GDE1: variants seen among roughly 807,000 people sequenced by gnomAD.
GDE1 encodes glycerophosphodiester phosphodiesterase 1, also known as RGS16-interacting membrane protein.
Under a neutral mutation model 32.2 loss-of-function variants are expected in GDE1, and 24 were observed. That is an observed-to-expected ratio of 0.75 (90% confidence interval 0.54 to 1.05). The LOEUF is 1.05. Among genes scored for constraint, GDE1 ranks in the 50% least tolerant of loss-of-function variants. The pLI, the probability that GDE1 is intolerant of heterozygous loss-of-function variation, is 0.00. For synonymous variants in GDE1, 159 were observed against 158.6 expected (o/e 1.00, Z -0.02); for missense variants, 380 against 415.0 (o/e 0.92, Z 0.73).
At position 19,507,718 on chromosome 16, in the gene GDE1, AC is replaced by A; in HGVS notation, c.604del (p.Val202SerfsTer12). ...GATAACTTCTGGCAAGAAAGAACAG[AC>A]CACACTATTATTATACAGTTGAGGA... ...EFPQLYNNSV[V>X]CSFLPEVIYK... is the part of the protein sequence containing the mutation. On this transcript the variant is annotated frameshift_variant, in exon 4 of 6. Transcript: ENST00000353258. LOFTEE classifies it high-confidence loss of function. 6.3e-7 allele frequency: 1 copy of A among 1,583,744 alleles called. No individual in the cohort carries two copies. Among genetic ancestry groups the A allele is most frequent in the Non-Finnish European group, 8.7e-7 (1 of 1,152,294 alleles).
intron 2 of GDE1, 36 bp downstream of exon 2, chr16:19,516,978 C>A: frequency 1.3e-6 from 2 of 1,578,290 alleles, no homozygotes; most frequent in Non-Finnish European, 1.7e-6. Flanking sequence ...CCAATAAAAG[C>A]TAAAAGATCT....
chr16:19,511,082 C>T, intron 2 of GDE1, 138 bp from the exon 3 acceptor site: 2 of 504,496 alleles, frequency 4.0e-6, no homozygotes, highest in East Asian at 3.3e-5. Context: ...ATAGCAAAGT[C>T]CAAAGATACT....
At chr16:19,503,853 T>C in intron 5 of GDE1, 1 of 409,660 alleles carries the variant, frequency 2.4e-6, no homozygotes, top group South Asian at 6.2e-5. Context: ...CACCCCCAAA[T>C]GTCCTTGGCA....
chr16:19,506,324 C>G (rs1230992811), intron 4 of GDE1, among the ~76,000 whole-genome samples: 2 of 150,728 alleles, frequency 1.3e-5, no homozygotes, highest in East Asian at 1.9e-4. Flanking sequence ...ACAAAAAAAA[C>G]AGAGAGAGAG....
intron 2 of GDE1, among the ~76,000 whole-genome samples, chr16:19,512,890 G>A (rs1038268295): frequency 7.0e-6 from 1 of 142,104 alleles, no homozygotes. Flanking sequence ...TTTATTTCTT[G>A]GTTCTCTATT....
intron 2 of GDE1, among the ~76,000 whole-genome samples, chr16:19,512,924 GTT>G: frequency 1.3e-5 from 1 of 75,076 alleles, no homozygotes; most frequent in Non-Finnish European, 2.7e-5. Flanking sequence ...CTATGTATCT[GTT>G]TTGTGTGTGT....
At chr16:19,505,290 T>C (rs1969232895) in intron 4 of GDE1, among the ~76,000 whole-genome samples, 198 bp from the exon 5 acceptor site, 1 of 152,184 alleles carries the variant, frequency 6.6e-6, no homozygotes, top group South Asian at 2.1e-4. Flanking sequence ...ATGCAGCACA[T>C]ATGAGAACTT....
chr16:19,505,681 A>C (rs1218124376), intron 4 of GDE1, among the ~76,000 whole-genome samples: 1 of 152,184 alleles, frequency 6.6e-6, no homozygotes, highest in African/African-American at 2.4e-5. Context: ...ATACGTTTTA[A>C]AGGACTCTGT....
At chr16:19,511,021 G>A in intron 2 of GDE1, 77 bp from the exon 3 acceptor site, 2 of 696,352 alleles carry the variant, frequency 2.9e-6, no homozygotes, top group Non-Finnish European at 2.5e-6. Flanking sequence ...TTTTGCATAT[G>A]TCTCTCAATC....
At chr16:19,517,956 C>T (rs539617398) in intron 1 of GDE1, among the ~76,000 whole-genome samples, 3 of 150,740 alleles carry the variant, frequency 2.0e-5, no homozygotes, top group Non-Finnish European at 4.4e-5. Flanking sequence ...GGCATGATCT[C>T]GGCTCACTAA....
chr16:19,517,569 C>T (rs1969396981), intron 1 of GDE1, among the ~76,000 whole-genome samples: 1 of 152,034 alleles, frequency 6.6e-6, no homozygotes, highest in Non-Finnish European at 1.5e-5. Context: ...GATGATCACC[C>T]TACGGTTGTT....
intron 3 of GDE1, 29 bp downstream of exon 3, chr16:19,510,810 C>G: frequency 9.9e-7 from 1 of 1,007,862 alleles, no homozygotes; most frequent in Non-Finnish European, 1.5e-6. Context: ...GTCTTTTTAA[C>G]AAAGTGAAGT....
intron 2 of GDE1, among the ~76,000 whole-genome samples, chr16:19,515,066 CAAAAA>C (rs67148636): frequency 1.8e-5 from 2 of 113,238 alleles, no homozygotes; most frequent in African/African-American, 3.6e-5. Context: ...AACTCCAACT[CAAAAA>C]AAAAAAAAAA....
chr16:19,519,449 CATAT>C (rs111659244), intron 1 of GDE1, among the ~76,000 whole-genome samples: 69,076 of 146,774 alleles, frequency 0.47, 18,148 homozygotes, highest in Non-Finnish European at 0.6. Flanking sequence ...TGTGTATGTG[CATAT>C]ATATATATAT....
rs1269683819 is a variant in GDE1 at position 19,522,006 on chromosome 16, C to T, written c.-42G>A. Reference sequence around the variant, plus strand: ...GCACGGACGGGAGTCCCGGACCCGCCGGGCTCCTGGGGCAGTAGAACGAGA... The same window carrying T: ...GCACGGACGGGAGTCCCGGACCCGCTGGGCTCCTGGGGCAGTAGAACGAGA... On this transcript the variant is annotated 5_prime_UTR_variant, in exon 1 of 6. Coordinates refer to ENST00000353258, the MANE Select transcript of GDE1 (RefSeq NM_016641.4). The T allele has an allele frequency of 1.3e-6, 2 of 1,506,788 alleles. No individual in the cohort carries two copies. Among genetic ancestry groups the T allele is most frequent in the Admixed American group, 2.1e-5 (1 of 47,364 alleles). 93.3% of individuals were successfully genotyped at this position (1,506,788 alleles called of 1,614,324 possible).
intron 2 of GDE1, among the ~76,000 whole-genome samples, chr16:19,513,112 T>C (rs1263019445): frequency 6.6e-6 from 1 of 152,138 alleles, no homozygotes; most frequent in Non-Finnish European, 1.5e-5. Flanking sequence ...TCCATATGAA[T>C]TTTAGGATTG....
intron 2 of GDE1, 84 bp downstream of exon 2, chr16:19,516,930 G>A: frequency 8.5e-7 from 1 of 1,177,642 alleles, no homozygotes; most frequent in Non-Finnish European, 1.2e-6. Context: ...AACTCTCCTG[G>A]GGCAGATGTA....
At chr16:19,504,706 G>T in intron 5 of GDE1, 175 bp downstream of exon 5, 1 of 573,216 alleles carries the variant, frequency 1.7e-6, no homozygotes. Flanking sequence ...TCTGAAAACA[G>T]TGAAATATGC....
intron 5 of GDE1, 52 bp from the exon 6 acceptor site, chr16:19,503,669 G>A (rs761809035): frequency 2.0e-6 from 3 of 1,511,954 alleles, no homozygotes; most frequent in Non-Finnish European, 2.7e-6. Context: ...GCTGTCTCAG[G>A]AATCCATAAT....
Sources: gnomAD v4.1 joint callset for allele counts (sites outside exome capture counted in the v4.1 genomes callset) on GRCh38, gnomAD v4.1.1 for gene constraint, MANE v1.5 for transcripts, NCBI Gene and HGNC (gene_info 2026-07-23, HGNC 2026-07-21) for gene names.